The following TNS1 variants were observed in gnomAD, a reference collection of about 807,000 sequenced individuals.
The protein encoded by TNS1 is tensin-1.
In TNS1, 62 loss-of-function variants were observed where a neutral mutation model predicts 168.6. The ratio of observed to expected loss-of-function variants is 0.37; its 90% CI spans 0.30 to 0.45. The LOEUF is 0.45. Among genes scored for constraint, TNS1 ranks in the 20% least tolerant of loss-of-function variants. The pLI is 1.00. For missense variants in TNS1, 2,240 were observed against 2,339.4 expected (o/e 0.96, Z 0.88); for synonymous variants, 934 against 933.2 (o/e 1.00, Z -0.02).
At chr2:217,815,921 G>A (rs914121617) in intron 24 of TNS1, among the ~76,000 whole-genome samples, 6 of 152,070 alleles carry the variant, frequency 3.9e-5, no homozygotes, top group African/African-American at 1.2e-4. Flanking sequence ...GGCTGGCCTA[G>A]AATCTAGAGG....
At chr2:218,005,184 C>T (rs1216139573), upstream of TNS1, among the ~76,000 whole-genome samples, 1 of 152,256 alleles carries the variant, frequency 6.6e-6, no homozygotes, top group Non-Finnish European at 1.5e-5. Flanking sequence ...GCTGGCGTCA[C>T]TGAAGACGCC....
intron 4 of TNS1, among the ~76,000 whole-genome samples, chr2:217,912,336 G>C (rs543584994): frequency 6.6e-6 from 1 of 152,334 alleles, no homozygotes; most frequent in South Asian, 2.1e-4. Context: ...CGCAGAATGC[G>C]GGCTCAGCCT....
At chr2:217,900,935 G>A (rs1473416159) in intron 6 of TNS1, among the ~76,000 whole-genome samples, 1 of 152,126 alleles carries the variant, frequency 6.6e-6, no homozygotes, top group Non-Finnish European at 1.5e-5. Flanking sequence ...CCTCTGTCTT[G>A]CCACCATCAC....
At chr2:217,870,753 G>A (rs146344791) in intron 18 of TNS1, among the ~76,000 whole-genome samples, 26 of 152,338 alleles carry the variant, frequency 1.7e-4, no homozygotes, top group Non-Finnish European at 1.5e-4. Flanking sequence ...TTGGTTTACC[G>A]TGTGTTCCAT....
intron 22 of TNS1, among the ~76,000 whole-genome samples, chr2:217,830,662 C>T (rs1276038481): frequency 6.6e-6 from 1 of 152,202 alleles, no homozygotes; most frequent in East Asian, 1.9e-4. Context: ...GCTGTTTGAC[C>T]CCAGGGAGGC....
chr2:217,841,986 C>G, intron 19 of TNS1: 1 of 685,798 alleles, frequency 1.5e-6, no homozygotes, highest in South Asian at 1.6e-5. Flanking sequence ...CACCTTCACA[C>G]CACAGGGGCC....
chr2:218,013,548 C>T (rs1485996271), upstream of TNS1, among the ~76,000 whole-genome samples: 1 of 152,190 alleles, frequency 6.6e-6, no homozygotes, highest in African/African-American at 2.4e-5. Flanking sequence ...CATCTCCCTC[C>T]CCAGTGCTAC....
At chr2:217,929,262 G>T (rs1426555260) in intron 3 of TNS1, among the ~76,000 whole-genome samples, 2 of 152,156 alleles carry the variant, frequency 1.3e-5, no homozygotes, top group Non-Finnish European at 2.9e-5. Flanking sequence ...ACCCAAGCGG[G>T]GATCTCAAGG....
At chr2:217,939,494 G>A (rs1398391258) in intron 3 of TNS1, among the ~76,000 whole-genome samples, 1 of 152,246 alleles carries the variant, frequency 6.6e-6, no homozygotes, top group East Asian at 1.9e-4. Flanking sequence ...GAGCAAATGG[G>A]AAACTTGCAA....
At chr2:218,015,231 CCAGGGGTCACA>C (rs1958747161), upstream of TNS1, among the ~76,000 whole-genome samples, 1 of 152,102 alleles carries the variant, frequency 6.6e-6, no homozygotes, top group Non-Finnish European at 1.5e-5. Flanking sequence ...AAAGTGACTG[CCAGGGGTCACA>C]CAGCTAGAAA....
chr2:217,820,774 C>A (rs779469293), intron 23 of TNS1, among the ~76,000 whole-genome samples: 5 of 152,156 alleles, frequency 3.3e-5, no homozygotes, highest in African/African-American at 4.8e-5. Flanking sequence ...CCCCCACTAC[C>A]CCAGTCAAGC....
At chr2:217,814,634 G>T (rs974144430) in intron 25 of TNS1, among the ~76,000 whole-genome samples, 1 of 152,174 alleles carries the variant, frequency 6.6e-6, no homozygotes, top group Non-Finnish European at 1.5e-5. Flanking sequence ...GAGAGCTAAG[G>T]TTTCATATTA....
At position 217,848,481 on chromosome 2, in the gene TNS1, A is replaced by G. The variant is rs1194856183; in HGVS notation, c.2036T>C (p.Val679Ala). Residue 679 changes from valine to alanine, a missense_variant, in exon 19 of 33, where the codon GTC becomes GCC. Coordinates refer to ENST00000682258, the MANE Select transcript of TNS1 (RefSeq NM_001387777.1). ...CTCGTAGGGGTAGCCTCCTCCATTGACCATAGGCTCCATGGGGTAGGACTT... is the reference window on the plus strand; with the variant it reads ...CTCGTAGGGGTAGCCTCCTCCATTGGCCATAGGCTCCATGGGGTAGGACTT... Reference protein sequence around the residue: ...LDKSYPMEPMVNGGGYPYESA... With the variant: ...LDKSYPMEPMANGGGYPYESA... 7.4e-6 allele frequency: 12 copies of G among 1,613,324 alleles called. No homozygotes were observed. Among genetic ancestry groups the G allele is most frequent in the Non-Finnish European group, 1.0e-5 (12 of 1,179,478 alleles).
At chr2:218,011,632 G>C (rs1312221827), upstream of TNS1, among the ~76,000 whole-genome samples, 1 of 152,102 alleles carries the variant, frequency 6.6e-6, no homozygotes, top group Non-Finnish European at 1.5e-5. Flanking sequence ...CCACTGTGTG[G>C]GCGGAGGCCC....
At chr2:217,994,253 G>A (rs532720687) in intron 1 of TNS1, among the ~76,000 whole-genome samples, 15 of 152,198 alleles carry the variant, frequency 9.9e-5, no homozygotes, top group East Asian at 1.9e-4. Context: ...TTTCCGTCTC[G>A]GGCCTGGACT....
intron 22 of TNS1, among the ~76,000 whole-genome samples, chr2:217,828,807 A>G (rs1295707213): frequency 1.3e-5 from 2 of 152,254 alleles, no homozygotes; most frequent in Non-Finnish European, 1.5e-5. Context: ...CGGTGAGTCC[A>G]TAGATTTCCT....
At chr2:217,924,120 G>A (rs941858654) in intron 3 of TNS1, among the ~76,000 whole-genome samples, 1 of 152,190 alleles carries the variant, frequency 6.6e-6, no homozygotes, top group South Asian at 2.1e-4. Context: ...ACACAGAGGT[G>A]GGTTCCCCTC....
rs1937755557 is a variant in TNS1, at chr2:217,803,264, CA to C, written c.*1194del. 1 of 152,306 alleles carries C rather than the reference CA, an allele frequency of 6.6e-6. No individual in the cohort carries two copies. Among genetic ancestry groups the C allele is most frequent in the East Asian group, 1.9e-4 (1 of 5,200 alleles). 9.4% of individuals were successfully genotyped at this position (152,306 alleles called of 1,614,324 possible). A position where few individuals can be genotyped will look rare whatever the true frequency, so the allele number is the denominator to read the frequency against. On this transcript the variant is annotated 3_prime_UTR_variant, in exon 33 of 33. Transcript: ENST00000682258. ...AGGTTCCCCAGGGAGAATTCCAACA[CA>C]GGGACCCTGCAGAATAGAACAGGGC... is the stretch of plus-strand genomic sequence containing the variant.
At position 217,867,916 on chromosome 2, in the gene TNS1, A is replaced by AT. The variant is rs563063381; in HGVS notation, c.1429+12981dup. Among the ~76,000 whole-genome samples, 4 of 152,208 alleles carry AT rather than the reference A, an allele frequency of 2.6e-5. No homozygotes were observed. The South Asian group carries it at 8.3e-4, about 32-fold the overall frequency. ...TTCCCAATCACCCTTACTCTGCTCCATTTTTTGCCAGGGTATTTCTCAAGT... is the reference window on the plus strand; with the variant it reads ...TTCCCAATCACCCTTACTCTGCTCCATTTTTTTGCCAGGGTATTTCTCAAGT... On this transcript the variant is annotated intron_variant, in intron 18 of 32. Transcript: ENST00000682258.
Sources: allele counts gnomAD v4.1 joint callset (sites outside exome capture counted in the v4.1 genomes callset), GRCh38; gene constraint gnomAD v4.1.1; transcripts MANE v1.5; gene names NCBI Gene and HGNC (gene_info 2026-07-23, HGNC 2026-07-21).